Variants in TRPC4 observed in about 807,000 individuals in gnomAD.
TRPC4 encodes the protein transient receptor potential cation channel subfamily C member 4.
A neutral mutation model predicts 99.4 loss-of-function variants in TRPC4; 49 were observed. The observed-to-expected ratio is 0.49, with a 90% CI of 0.39 to 0.63. The LOEUF (loss-of-function observed/expected upper bound fraction) is 0.63. Ranked by LOEUF, TRPC4 falls within the 20% of genes least tolerant of loss-of-function variation. The pLI is 0.00. For missense variants in TRPC4, 898 were observed against 1,152.9 expected (o/e 0.78, Z 3.20); for synonymous variants, 454 against 425.9 (o/e 1.07, Z -0.81).
intron 1 of TRPC4, among the ~76,000 whole-genome samples, chr13:37,785,216 C>A (rs932007943): frequency 6.6e-6 from 1 of 151,970 alleles, no homozygotes; most frequent in African/African-American, 2.4e-5. Context: ...ATCCTGATTG[C>A]CCCCATTTTT....
chr13:37,651,628 T>C (rs1952046947), intron 7 of TRPC4, among the ~76,000 whole-genome samples, 169 bp from the exon 8 acceptor site: 1 of 152,204 alleles, frequency 6.6e-6, no homozygotes, highest in Non-Finnish European at 1.5e-5. Flanking sequence ...TTTCAGAGGG[T>C]GGCTTAACCT....
chr13:37,820,889 C>T (rs1957989960), intron 1 of TRPC4, among the ~76,000 whole-genome samples: 1 of 152,012 alleles, frequency 6.6e-6, no homozygotes, highest in Non-Finnish European at 1.5e-5. Flanking sequence ...ACAAGGATGT[C>T]CTCTCTCACC....
intron 3 of TRPC4, among the ~76,000 whole-genome samples, chr13:37,696,905 A>G (rs1339654726): frequency 6.7e-6 from 1 of 149,466 alleles, no homozygotes; most frequent in Non-Finnish European, 1.5e-5. Context: ...CTTTTTCCAT[A>G]GCTGAAACAT....
In TRPC4 at chr13:37,692,109, G is replaced by A. The variant is rs777679153; in HGVS notation, c.1124C>T (p.Thr375Ile). 1 of 1,614,160 alleles carries A rather than the reference G, an allele frequency of 6.2e-7. No individual in the cohort carries two copies. The highest frequency in any genetic ancestry group is 8.5e-7 in the Non-Finnish European group (1 of 1,180,032). Residue 375 changes from threonine (T) to isoleucine (I), a missense_variant, in exon 4 of 11, where the codon ACT becomes ATT. Physicochemically the swap from Thr to Ile is moderately conservative, Grantham distance 89. Coordinates refer to ENST00000379705, the MANE Select transcript of TRPC4 (RefSeq NM_016179.4). ...GGCAAGCAGCAGCAGGAACAAAAAA[G>A]TCAAATAGGAGGCTGTGTGGCAGAT... ...KFICHTASYL[T>I]FLFLLLLASQ...
chr13:37,868,317 A>C (rs1959907435), intron 1 of TRPC4, among the ~76,000 whole-genome samples: 1 of 152,116 alleles, frequency 6.6e-6, no homozygotes, highest in African/African-American at 2.4e-5. Flanking sequence ...TAAACATTTA[A>C]GGAGGATGTT....
At chr13:37,666,797 C>A (rs1952659951) in intron 5 of TRPC4, among the ~76,000 whole-genome samples, 1 of 152,156 alleles carries the variant, frequency 6.6e-6, no homozygotes, top group Admixed American at 6.5e-5. Context: ...GGAAGTTCCT[C>A]AATCTCACCT....
At chr13:37,809,196 C>T (rs1453044941) in intron 1 of TRPC4, among the ~76,000 whole-genome samples, 1 of 152,074 alleles carries the variant, frequency 6.6e-6, no homozygotes, top group Admixed American at 6.6e-5. Flanking sequence ...GTAGGATGCT[C>T]TTCCAATCCT....
intron 1 of TRPC4, among the ~76,000 whole-genome samples, chr13:37,789,661 T>C (rs1470909483): frequency 7.3e-5 from 11 of 151,582 alleles, no homozygotes. Context: ...AGCTATCAAA[T>C]CACCTGTGCA....
chr13:37,664,580 A>G (rs1348456645), intron 5 of TRPC4, among the ~76,000 whole-genome samples: 5 of 35,186 alleles, frequency 1.4e-4, no homozygotes, highest in Admixed American at 8.1e-4. Context: ...ATCTCAAAAG[A>G]AAAAAAAAGG....
At chr13:37,808,525 C>A (rs866802351) in intron 1 of TRPC4, among the ~76,000 whole-genome samples, 1 of 152,038 alleles carries the variant, frequency 6.6e-6, no homozygotes, top group Non-Finnish European at 1.5e-5. Flanking sequence ...ATTAGGAGTG[C>A]AGACAAGAGA....
chr13:37,637,562 G>A lies in TRPC4; in HGVS notation c.2275C>T (p.Leu759Phe), dbSNP rs772127889. The stretch of plus-strand genomic sequence containing the variant: ...GCATTCGCAGATTGTATTGTGGAAA[G>A]TTTGCTTCCTCTTAGTAATCCCAGG... ...EVLGLLRGSK[L>F]STIQSANASK... The change falls in exon 11 of 11, where the codon CTT (leucine) becomes TTT (phenylalanine). Residue 759 changes from leucine (L) to phenylalanine (F), a missense_variant. Leu to Phe is a conservative substitution (Grantham distance 22). Around this residue, in one of 3 missense-constraint regions of TRPC4, gnomAD observed 346 missense variants for 351.4 expected, o/e 0.98. Transcript: ENST00000379705. 1 of 1,612,732 alleles carries A rather than the reference G, an allele frequency of 6.2e-7. No individual in the cohort carries two copies. The highest frequency in any genetic ancestry group is 8.5e-7 in the Non-Finnish European group (1 of 1,179,496).
At chr13:37,699,418 AT>A (rs1172641757) in intron 3 of TRPC4, among the ~76,000 whole-genome samples, 1 of 152,212 alleles carries the variant, frequency 6.6e-6, no homozygotes, top group African/African-American at 2.4e-5. Context: ...ATGCAAGGAA[AT>A]TACATTCAGA....
At chr13:37,748,983 A>G (rs1431063996) in intron 2 of TRPC4, among the ~76,000 whole-genome samples, 1 of 152,054 alleles carries the variant, frequency 6.6e-6, no homozygotes, top group Non-Finnish European at 1.5e-5. Context: ...CTTGAATTGT[A>G]CTCCTCATGT....
intron 8 of TRPC4, among the ~76,000 whole-genome samples, chr13:37,644,244 C>T (rs570909761): frequency 1.3e-5 from 2 of 151,910 alleles, no homozygotes; most frequent in South Asian, 2.1e-4. Flanking sequence ...GGATTTGTTA[C>T]CTTAAGAGAA....
intron 6 of TRPC4, among the ~76,000 whole-genome samples, chr13:37,656,410 A>G (rs572470937): frequency 2.2e-4 from 34 of 152,282 alleles, no homozygotes; most frequent in Admixed American, 2.2e-3. Flanking sequence ...GTGTTGCAGA[A>G]CCAAGTCAAT....
rs752904542 is a variant in TRPC4 at position 37,663,401 on chromosome 13, G to A, written c.1688+15C>T. Reference sequence around the variant, plus strand: ...GCTGTACAACATTACCAGTAGAAATGTCTATTAGACTTACGTTGAAAATGC... The same window carrying A: ...GCTGTACAACATTACCAGTAGAAATATCTATTAGACTTACGTTGAAAATGC... On this transcript the variant is annotated intron_variant, in intron 6 of 10. Coordinates refer to ENST00000379705, the MANE Select transcript of TRPC4 (RefSeq NM_016179.4). 2.5e-6 allele frequency: 4 copies of A among 1,600,082 alleles called. No individual in the cohort carries two copies.
chr13:37,745,468 A>ACGTATATATG, intron 3 of TRPC4, among the ~76,000 whole-genome samples: 9 of 2,000 alleles, frequency 4.5e-3, no homozygotes, highest in African/African-American at 6.3e-3. Context: ...ATATATATAT[A>ACGTATATATG]TATATACACA....
rs962451066 is a variant in TRPC4 at position 37,635,674 on chromosome 13, T to C, written c.*1229A>G. The stretch of plus-strand genomic sequence containing the variant: ...TAGTGGCTTAAATAGACACAAGCAA[T>C]GTAAAATTTAAGCTTTAAGTTTCTA... On this transcript the variant is annotated 3_prime_UTR_variant, in exon 11 of 11. Transcript: ENST00000379705. Among the ~76,000 whole-genome samples, 2 of 152,126 alleles carry C rather than the reference T, an allele frequency of 1.3e-5. No homozygotes were observed. Among genetic ancestry groups the C allele is most frequent in the Non-Finnish European group, 2.9e-5 (2 of 67,990 alleles).
intron 3 of TRPC4, among the ~76,000 whole-genome samples, chr13:37,733,405 T>G (rs187579733): frequency 1.8e-3 from 269 of 152,234 alleles, no homozygotes; most frequent in African/African-American, 6.3e-3. Context: ...CTCTAATCTA[T>G]CCCATCAAGC....
Sources: allele counts gnomAD v4.1 joint callset (sites outside exome capture counted in the v4.1 genomes callset), GRCh38; gene constraint gnomAD v4.1.1; regional missense constraint gnomAD v4.1.1; transcripts MANE v1.5; gene names NCBI Gene and HGNC (gene_info 2026-07-23, HGNC 2026-07-21).